The following CCDC141 variants were observed in gnomAD, a reference collection of about 807,000 sequenced individuals.
CCDC141 encodes coiled-coil domain containing 141.
A neutral mutation model predicts 181.0 loss-of-function variants in CCDC141; 168 were observed. The ratio of observed to expected loss-of-function variants is 0.93; its 90% CI spans 0.82 to 1.05. CCDC141 has a LOEUF of 1.05. CCDC141 is among the 50% of genes least tolerant of loss of function. The probability of loss-of-function intolerance (pLI) is 0.00; values close to 1 mark genes in which losing one functional copy is unlikely to be tolerated. For missense variants in CCDC141, 1,902 were observed against 1,788.5 expected (o/e 1.06, Z -1.14); for synonymous variants, 666 against 642.3 (o/e 1.04, Z -0.56).
At chr2:178,910,751 G>A (rs1488653850) in intron 7 of CCDC141, among the ~76,000 whole-genome samples, 1 of 152,234 alleles carries the variant, frequency 6.6e-6, no homozygotes, top group Non-Finnish European at 1.5e-5. Flanking sequence ...GCCTGTCAAA[G>A]GCAGTTGCTG....
chr2:179,018,287 C>A (rs2042598745), intron 2 of CCDC141, among the ~76,000 whole-genome samples: 1 of 152,104 alleles, frequency 6.6e-6, no homozygotes, highest in African/African-American at 2.4e-5. Context: ...GCATATCCTG[C>A]ATGTTTTCCT....
chr2:178,921,119 C>G (rs1688670211), intron 6 of CCDC141, among the ~76,000 whole-genome samples: 1 of 152,216 alleles, frequency 6.6e-6, no homozygotes, highest in Non-Finnish European at 1.5e-5. Context: ...TTTCTCAGTG[C>G]ATGCAAAAGC....
At chr2:179,015,131 C>G (rs867523908) in intron 2 of CCDC141, among the ~76,000 whole-genome samples, 2 of 59,476 alleles carry the variant, frequency 3.4e-5, no homozygotes, top group East Asian at 1.2e-3. Context: ...ATATATATAT[C>G]ATATCATATA....
chr2:178,868,283 C>A, intron 15 of CCDC141, 78 bp from the exon 16 acceptor site: 1 of 1,271,222 alleles, frequency 7.9e-7, no homozygotes, highest in African/African-American at 1.5e-5. Context: ...TTCTATAGCA[C>A]ATTTTGCTAG....
intron 2 of CCDC141, among the ~76,000 whole-genome samples, chr2:179,015,118 CATATATAT>C (rs746795745): frequency 2.3e-4 from 6 of 25,946 alleles, no homozygotes; most frequent in South Asian, 1.2e-3. Flanking sequence ...TATATATAAT[CATATATAT>C]ATATCATATC....
At chr2:178,982,038 A>C (rs1691439023) in intron 2 of CCDC141, among the ~76,000 whole-genome samples, 1 of 152,138 alleles carries the variant, frequency 6.6e-6, no homozygotes, top group Admixed American at 6.5e-5. Flanking sequence ...AAATTTGATA[A>C]CTGAGATGAA....
intron 2 of CCDC141, among the ~76,000 whole-genome samples, chr2:178,988,705 A>C (rs148714536): frequency 2.1e-4 from 32 of 152,312 alleles, no homozygotes; most frequent in African/African-American, 7.7e-4. Flanking sequence ...TAGTCAAAAC[A>C]ATCTTGAAAA....
At chr2:178,864,313 C>T (rs1685748148) in intron 17 of CCDC141, among the ~76,000 whole-genome samples, 2 of 152,108 alleles carry the variant, frequency 1.3e-5, no homozygotes, top group Admixed American at 6.5e-5. Context: ...GAATAGCTTC[C>T]ATAACCATGA....
intron 4 of CCDC141, among the ~76,000 whole-genome samples, chr2:178,972,750 C>T (rs565622696): frequency 6.6e-6 from 1 of 152,304 alleles, no homozygotes; most frequent in African/African-American, 2.4e-5. Flanking sequence ...ATTATTCCCT[C>T]TCTTTCAAGG....
At chr2:178,847,945 A>C (rs1462024699) in intron 21 of CCDC141, among the ~76,000 whole-genome samples, 2 of 152,222 alleles carry the variant, frequency 1.3e-5, no homozygotes, top group African/African-American at 2.4e-5. Flanking sequence ...TAGACACCAA[A>C]TCTGCCAGCA....
chr2:178,994,148 G>A (rs1692178419), intron 2 of CCDC141, among the ~76,000 whole-genome samples: 1 of 152,184 alleles, frequency 6.6e-6, no homozygotes, highest in Admixed American at 6.5e-5. Context: ...ACTAGGCAAT[G>A]TCCCAGTAGG....
chr2:178,921,470 C>T (rs902502356), intron 6 of CCDC141, among the ~76,000 whole-genome samples: 1 of 152,010 alleles, frequency 6.6e-6, no homozygotes, highest in Non-Finnish European at 1.5e-5. Flanking sequence ...AAATATTTCC[C>T]AAAATGTTAT....
intron 2 of CCDC141, among the ~76,000 whole-genome samples, chr2:179,041,478 G>A (rs932217447): frequency 1.4e-5 from 2 of 140,550 alleles, no homozygotes; most frequent in African/African-American, 5.4e-5. Context: ...TTATTTAATC[G>A]GGTTGGTTGT....
At chr2:178,899,088 CA>C (rs1258139402) in intron 8 of CCDC141, among the ~76,000 whole-genome samples, 1 of 152,018 alleles carries the variant, frequency 6.6e-6, no homozygotes, top group Non-Finnish European at 1.5e-5. Flanking sequence ...GGCGGTCCGA[CA>C]AGATTATAAT....
chr2:179,047,473 T>C, intron 1 of CCDC141, 67 bp from the exon 2 acceptor site: 1 of 1,288,862 alleles, frequency 7.8e-7, no homozygotes, highest in Non-Finnish European at 1.0e-6. Context: ...ACCCTTCTCA[T>C]TTTTAATATA....
intron 2 of CCDC141, among the ~76,000 whole-genome samples, chr2:179,025,325 G>A (rs1462576475): frequency 1.3e-5 from 2 of 152,056 alleles, no homozygotes; most frequent in African/African-American, 2.4e-5. Context: ...CAATTCCCAG[G>A]TGTTGTGGGA....
rs190297435 is a variant in CCDC141 at position 178,982,217 on chromosome 2, A to C, written c.226-3542T>G. ...ACTGGTGAATTCTACCAAATGTTTA[A>C]AGAAGAAATGATGCTAAAGCTACTA... is the stretch of plus-strand genomic sequence containing the variant. On this transcript the variant is annotated intron_variant, in intron 2 of 23. Coordinates refer to ENST00000443758, the MANE Select transcript of CCDC141 (RefSeq NM_173648.4). 3.2e-4 allele frequency among the ~76,000 whole-genome samples: 48 copies of C among 152,310 alleles called. 3 individuals are homozygous for C. The East Asian group carries it at 8.9e-3, about 28-fold the overall frequency.
intron 2 of CCDC141, among the ~76,000 whole-genome samples, chr2:178,990,925 T>A (rs1692024086): frequency 6.6e-6 from 1 of 152,034 alleles, no homozygotes; most frequent in Non-Finnish European, 1.5e-5. Context: ...ATTGGGTCAT[T>A]CTTGTCATAC....
At chr2:178,924,514 G>A (rs1271391898) in intron 6 of CCDC141, among the ~76,000 whole-genome samples, 1 of 151,902 alleles carries the variant, frequency 6.6e-6, no homozygotes, top group Non-Finnish European at 1.5e-5. Flanking sequence ...AAATGTTTAT[G>A]CTTTTGAAGA....
Sources: allele counts gnomAD v4.1 joint callset (sites outside exome capture counted in the v4.1 genomes callset), GRCh38; gene constraint gnomAD v4.1.1; transcripts MANE v1.5; gene names NCBI Gene and HGNC (gene_info 2026-07-23, HGNC 2026-07-21).